Variants in PDE7B observed in about 807,000 individuals in gnomAD.
PDE7B encodes the protein 3',5'-cyclic-AMP phosphodiesterase 7B.
PDE7B carries 29 observed loss-of-function variants against 56.2 expected under a neutral mutation model. The ratio of observed to expected loss-of-function variants is 0.52; its 90% CI spans 0.38 to 0.70. The LOEUF is 0.70. Ranked by LOEUF, PDE7B falls within the 30% of genes least tolerant of loss-of-function variation. The probability of loss-of-function intolerance (pLI) is 0.00; values close to 1 mark genes in which losing one functional copy is unlikely to be tolerated. For synonymous variants in PDE7B, 197 were observed against 196.9 expected (o/e 1.00, Z 0.00); for missense variants, 490 against 565.0 (o/e 0.87, Z 1.35).
chr6:136,104,802 C>A (rs527983252), intron 2 of PDE7B, among the ~76,000 whole-genome samples: 7 of 152,172 alleles, frequency 4.6e-5, no homozygotes, highest in Non-Finnish European at 1.0e-4. Context: ...TGATTTCATC[C>A]TTTTGAAAAT....
chr6:136,121,878 A>G (rs569770483), intron 3 of PDE7B, among the ~76,000 whole-genome samples: 25 of 152,314 alleles, frequency 1.6e-4, no homozygotes, highest in African/African-American at 5.8e-4. Flanking sequence ...TAGTGCTGAA[A>G]GGGTATTGCA....
At chr6:136,032,790 C>T (rs1776263408) in intron 2 of PDE7B, among the ~76,000 whole-genome samples, 1 of 152,198 alleles carries the variant, frequency 6.6e-6, no homozygotes. Context: ...TTTTATAGCA[C>T]ATTACAGTTT....
chr6:135,864,951 C>A (rs1327522944), intron 1 of PDE7B, among the ~76,000 whole-genome samples: 1 of 126,672 alleles, frequency 7.9e-6, no homozygotes, highest in East Asian at 2.8e-4. Flanking sequence ...CTCCCCCCAC[C>A]CCACAACAGG....
At chr6:136,002,078 G>T (rs187137926) in intron 2 of PDE7B, among the ~76,000 whole-genome samples, 39 of 152,282 alleles carry the variant, frequency 2.6e-4, no homozygotes, top group African/African-American at 9.4e-4. Context: ...CTTCAACCCA[G>T]AATTTCATAT....
chr6:136,183,114 T>C (rs1322616541), intron 11 of PDE7B, among the ~76,000 whole-genome samples: 1 of 151,798 alleles, frequency 6.6e-6, no homozygotes, highest in Non-Finnish European at 1.5e-5. Flanking sequence ...AACTGCTTAT[T>C]GTCCTAGTAA....
intron 1 of PDE7B, among the ~76,000 whole-genome samples, chr6:135,913,224 T>G (rs1048474066): frequency 2.0e-5 from 3 of 152,132 alleles, no homozygotes; most frequent in African/African-American, 7.2e-5. Flanking sequence ...ATAAAAAAAT[T>G]AAGTCTCCCA....
chr6:136,074,187 C>G (rs1223947861), intron 2 of PDE7B, among the ~76,000 whole-genome samples: 1 of 150,096 alleles, frequency 6.7e-6, no homozygotes, highest in South Asian at 2.1e-4. Context: ...GAGCCAAGAT[C>G]GCACCACTGC....
chr6:135,999,242 A>G (rs1775624008), intron 2 of PDE7B, among the ~76,000 whole-genome samples: 1 of 152,210 alleles, frequency 6.6e-6, no homozygotes, highest in Non-Finnish European at 1.5e-5. Flanking sequence ...CATAAGCTAT[A>G]GAACCTTTGT....
chr6:136,101,078 G>A (rs1225956453), intron 2 of PDE7B, among the ~76,000 whole-genome samples: 15 of 152,142 alleles, frequency 9.9e-5, no homozygotes, highest in East Asian at 1.9e-4. Context: ...ATTGATTTGC[G>A]TAAGTTGAAC....
At chr6:136,018,569 T>A (rs1269874243) in intron 2 of PDE7B, among the ~76,000 whole-genome samples, 2 of 152,132 alleles carry the variant, frequency 1.3e-5, no homozygotes, top group Non-Finnish European at 2.9e-5. Flanking sequence ...AGGAAAATCT[T>A]GGAACAGTCT....
intron 7 of PDE7B, 80 bp downstream of exon 7, chr6:136,154,255 A>G: frequency 1.3e-6 from 1 of 772,352 alleles, no homozygotes; most frequent in South Asian, 1.5e-5. Flanking sequence ...TACCCAACAT[A>G]TCTGAGTAAC....
intron 3 of PDE7B, chr6:136,115,064 A>T (rs996820008): frequency 6.6e-5 from 10 of 152,180 alleles, no homozygotes; most frequent in Non-Finnish European, 1.5e-5. Context: ...TATGGTAGGC[A>T]TTGTACCAGT....
At chr6:136,173,951 G>A in intron 9 of PDE7B, 63 bp downstream of exon 9, 2 of 1,164,108 alleles carry the variant, frequency 1.7e-6, no homozygotes, top group East Asian at 2.3e-5. Context: ...ACTTTCTCTA[G>A]GGCAGGCTTG....
At chr6:135,966,949 C>T (rs1775006046) in intron 2 of PDE7B, among the ~76,000 whole-genome samples, 2 of 152,066 alleles carry the variant, frequency 1.3e-5, no homozygotes, top group African/African-American at 2.4e-5. Flanking sequence ...GGCCCCATCT[C>T]CCGTGTTCTG....
At position 136,009,576 on chromosome 6, in the gene PDE7B, T is replaced by C. The variant is rs185909223; in HGVS notation, c.82+62052T>C. 7.1e-3 allele frequency among the ~76,000 whole-genome samples: 1,088 copies of C among 152,308 alleles called. 20 individuals are homozygous for C. Among genetic ancestry groups the C allele is most frequent in the African/African-American group, 0.024 (1,006 of 41,558 alleles). On this transcript the variant is annotated intron_variant, in intron 2 of 12. Transcript: ENST00000308191. ...ATCCCTTGTAAGTTGGATTCCTAGG[T>C]ATTTTATTCTCTTTGAAGCAATTGT...
rs185696975 is a variant in PDE7B at position 135,911,764 on chromosome 6, G to A, written c.22-35700G>A. On this transcript the variant is annotated intron_variant, in intron 1 of 12. Transcript: ENST00000308191. ...CTCTTGTAGATTTTGAGCTCTTGCT[G>A]TGAAGCTCTGAATTGAGATGTACTA... Among the ~76,000 whole-genome samples, 201 of 152,280 alleles carry A rather than the reference G, an allele frequency of 1.3e-3. 1 individual carries two copies. Among genetic ancestry groups the A allele is most frequent in the African/African-American group, 4.5e-3 (188 of 41,562 alleles).
At chr6:136,124,628 G>A (rs1156959628) in intron 3 of PDE7B, among the ~76,000 whole-genome samples, 4 of 152,086 alleles carry the variant, frequency 2.6e-5, no homozygotes, top group Non-Finnish European at 5.9e-5. Flanking sequence ...TTCATATTAT[G>A]TGAATAAAAT....
At chr6:135,852,558 A>C (rs1181717819) in intron 1 of PDE7B, among the ~76,000 whole-genome samples, 1 of 152,220 alleles carries the variant, frequency 6.6e-6, no homozygotes, top group East Asian at 1.9e-4. Context: ...GAAAAAAATC[A>C]ATAGAAGATG....
intron 11 of PDE7B, among the ~76,000 whole-genome samples, chr6:136,181,788 C>T (rs1057494727): frequency 6.6e-6 from 1 of 151,762 alleles, no homozygotes; most frequent in Admixed American, 6.6e-5. Flanking sequence ...TGAAATTGGA[C>T]ACAGCTGACC....
Sources: allele counts gnomAD v4.1 joint callset (sites outside exome capture counted in the v4.1 genomes callset), GRCh38; gene constraint gnomAD v4.1.1; transcripts MANE v1.5; gene names NCBI Gene and HGNC (gene_info 2026-07-23, HGNC 2026-07-21).